Variants in SIPA1L1 observed in about 807,000 individuals in gnomAD.
SIPA1L1 encodes signal induced proliferation associated 1 like 1, also known as signal-induced proliferation-associated 1-like protein 1.
Under a neutral mutation model 162.7 loss-of-function variants are expected in SIPA1L1, and 26 were observed. The observed-to-expected ratio is 0.16, with a 90% confidence interval of 0.12 to 0.22. SIPA1L1 has a LOEUF of 0.22. SIPA1L1 is among the 10% of genes least tolerant of loss of function. The probability of loss-of-function intolerance (pLI) is 1.00; values close to 1 mark genes in which losing one functional copy is unlikely to be tolerated. For synonymous variants in SIPA1L1, 829 were observed against 837.4 expected (o/e 0.99, Z 0.17); for missense variants, 1,874 against 2,241.0 (o/e 0.84, Z 3.31).
intron 4 of SIPA1L1, among the ~76,000 whole-genome samples, chr14:71,554,458 G>T (rs1445470080): frequency 6.6e-6 from 1 of 152,212 alleles, no homozygotes; most frequent in East Asian, 1.9e-4. Flanking sequence ...GGTGAGAAAA[G>T]ATGTTCTTTT....
At chr14:71,487,351 T>C (rs898380927) in intron 2 of SIPA1L1, among the ~76,000 whole-genome samples, 1 of 152,232 alleles carries the variant, frequency 6.6e-6, no homozygotes, top group African/African-American at 2.4e-5. Flanking sequence ...AGTGGTGATA[T>C]GGAGAAAATG....
intron 6 of SIPA1L1, 30 bp from the exon 7 acceptor site, chr14:71,624,018 G>A: frequency 6.4e-7 from 1 of 1,557,446 alleles, no homozygotes; most frequent in Non-Finnish European, 8.7e-7. Flanking sequence ...CATCCCAGAA[G>A]CCTCACCACA....
intron 2 of SIPA1L1, among the ~76,000 whole-genome samples, chr14:71,378,205 C>CT (rs1566949878): frequency 6.6e-6 from 1 of 151,020 alleles, no homozygotes; most frequent in African/African-American, 2.4e-5. Flanking sequence ...TTTCTGTTGT[C>CT]TTTTTTTCAT....
rs1030985023 is a variant in SIPA1L1, at chr14:71,739,385, A to G, written c.*224A>G. 11 of 331,930 alleles carry G rather than the reference A, an allele frequency of 3.3e-5. No individual in the cohort carries two copies. Among genetic ancestry groups the G allele is most frequent in the Non-Finnish European group, 5.4e-5 (10 of 184,030 alleles). 20.6% of individuals were successfully genotyped at this position (331,930 alleles called of 1,614,324 possible). A position where few individuals can be genotyped will look rare whatever the true frequency, so the allele number is the denominator to read the frequency against. On this transcript the variant is annotated 3_prime_UTR_variant, in exon 24 of 24. Coordinates refer to ENST00000381232, the MANE Select transcript of SIPA1L1 (RefSeq NM_001386936.1). ...GTAAATAAAAATTTTAAACAGTAAA[A>G]TAAAAGTTTAACTGCTAAAATGTGA...
intron 5 of SIPA1L1, among the ~76,000 whole-genome samples, chr14:71,606,061 T>C (rs1359566447): frequency 1.3e-5 from 2 of 152,088 alleles, no homozygotes; most frequent in African/African-American, 4.8e-5. Flanking sequence ...CATGAAACAC[T>C]GGCTATGGTG....
intron 2 of SIPA1L1, among the ~76,000 whole-genome samples, chr14:71,462,019 C>T (rs1461177703): frequency 2.6e-5 from 4 of 152,128 alleles, no homozygotes; most frequent in South Asian, 2.1e-4. Context: ...TGTGCTCGAG[C>T]GCAATCACGT....
chr14:71,492,788 ATT>A (rs200832752), intron 2 of SIPA1L1, among the ~76,000 whole-genome samples: 121 of 142,526 alleles, frequency 8.5e-4, no homozygotes, highest in South Asian at 1.3e-3. Context: ...GCCTGGCTAG[ATT>A]TTTTTTTTTT....
At chr14:71,672,784 C>T (rs142720930) in intron 12 of SIPA1L1, among the ~76,000 whole-genome samples, 162 bp downstream of exon 12, 2,710 of 152,260 alleles carry the variant, frequency 0.018, 47 homozygotes, top group Non-Finnish European at 0.026. Flanking sequence ...GGACGAAGCT[C>T]CCTTTCAGTG....
chr14:71,422,366 G>A (rs1024401243), intron 2 of SIPA1L1, among the ~76,000 whole-genome samples: 3 of 151,978 alleles, frequency 2.0e-5, no homozygotes, highest in Non-Finnish European at 2.9e-5. Flanking sequence ...CGTACAGTTC[G>A]TTGGTATTAA....
intron 5 of SIPA1L1, among the ~76,000 whole-genome samples, chr14:71,596,384 T>C (rs973592465): frequency 2.0e-5 from 3 of 152,208 alleles, no homozygotes; most frequent in Admixed American, 1.3e-4. Flanking sequence ...TTGAAGGCAC[T>C]GCATCCAGAG....
At chr14:71,550,371 TG>T (rs1209843114) in intron 4 of SIPA1L1, among the ~76,000 whole-genome samples, 38 of 152,282 alleles carry the variant, frequency 2.5e-4, no homozygotes, top group Admixed American at 8.5e-4. Context: ...AGGTATAGTG[TG>T]GAGTAGTCTA....
At chr14:71,361,204 A>G (rs1434583834) in intron 2 of SIPA1L1, among the ~76,000 whole-genome samples, 4 of 152,172 alleles carry the variant, frequency 2.6e-5, no homozygotes, top group Non-Finnish European at 4.4e-5. Flanking sequence ...ACTCAATTTT[A>G]GTATACTCCA....
intron 4 of SIPA1L1, among the ~76,000 whole-genome samples, chr14:71,531,721 C>A (rs941541149): frequency 6.6e-6 from 1 of 152,050 alleles, no homozygotes; most frequent in Non-Finnish European, 1.5e-5. Context: ...TGATGAACCA[C>A]CAGGTTTGGG....
intron 2 of SIPA1L1, among the ~76,000 whole-genome samples, chr14:71,468,101 T>A (rs1167003506): frequency 6.6e-6 from 1 of 151,770 alleles, no homozygotes; most frequent in African/African-American, 2.4e-5. Context: ...CAGTTGCAGT[T>A]TTTAAAAATT....
chr14:71,684,763 G>A (rs949167740), intron 12 of SIPA1L1, among the ~76,000 whole-genome samples: 10 of 151,880 alleles, frequency 6.6e-5, no homozygotes, highest in Non-Finnish European at 5.9e-5. Flanking sequence ...TGGCAGGTGT[G>A]TGAAACTGCT....
chr14:71,668,484 T>A (rs1052972994), intron 10 of SIPA1L1, among the ~76,000 whole-genome samples: 3 of 152,220 alleles, frequency 2.0e-5, no homozygotes, highest in Admixed American at 2.0e-4. Context: ...CAAGACACCT[T>A]CCTGGTCGCT....
intron 18 of SIPA1L1, among the ~76,000 whole-genome samples, chr14:71,724,234 G>A (rs2084019564): frequency 6.6e-6 from 1 of 152,106 alleles, no homozygotes; most frequent in Non-Finnish European, 1.5e-5. Flanking sequence ...TTCTTAACTA[G>A]GCCAGTAGGC....
At chr14:71,559,917 A>C (rs1237013733) in intron 4 of SIPA1L1, among the ~76,000 whole-genome samples, 1 of 152,156 alleles carries the variant, frequency 6.6e-6, no homozygotes, top group Non-Finnish European at 1.5e-5. Flanking sequence ...TCATTGAAAA[A>C]TAGGCTGGGG....
intron 8 of SIPA1L1, 33 bp downstream of exon 8, chr14:71,650,542 AT>A: frequency 1.9e-6 from 3 of 1,601,248 alleles, no homozygotes; most frequent in Non-Finnish European, 2.6e-6. Flanking sequence ...TACTAGGCTT[AT>A]TTTCCCCCTG....
Sources: allele counts gnomAD v4.1 joint callset (sites outside exome capture counted in the v4.1 genomes callset), GRCh38; gene constraint gnomAD v4.1.1; transcripts MANE v1.5; gene names NCBI Gene and HGNC (gene_info 2026-07-23, HGNC 2026-07-21).